Variants in STPG2 observed in about 807,000 individuals in gnomAD.
STPG2 encodes the protein sperm-tail PG-rich repeat-containing protein 2.
A neutral mutation model predicts 54.2 loss-of-function variants in STPG2; 56 were observed. That is an observed-to-expected ratio of 1.03 (90% CI 0.83 to 1.29). The LOEUF (loss-of-function observed/expected upper bound fraction) is 1.29, where lower values mean the gene tolerates loss of function less well. Among genes scored for constraint, STPG2 ranks in the 50% most tolerant of loss-of-function variants. The pLI, the probability that STPG2 is intolerant of heterozygous loss-of-function variation, is 0.00. For synonymous variants in STPG2, 200 were observed against 181.8 expected, an observed-to-expected ratio of 1.10 and a Z score of -0.81; for missense variants, 596 against 544.9, an observed-to-expected ratio of 1.09 and a Z score of -0.93.
At chr4:98,101,834 A>G (rs1469345237) in intron 5 of STPG2, among the ~76,000 whole-genome samples, 1 of 151,978 alleles carries the variant, frequency 6.6e-6, no homozygotes, top group Non-Finnish European at 1.5e-5. Context: ...TGTTCTTACA[A>G]GCCATGAATC....
At chr4:98,140,090 A>G (rs926127577) in intron 1 of STPG2, among the ~76,000 whole-genome samples, 4 of 152,244 alleles carry the variant, frequency 2.6e-5, no homozygotes, top group Non-Finnish European at 5.9e-5. Flanking sequence ...GTCAGTGAAC[A>G]ACTTCACTTT....
At chr4:97,988,177 AGTCT>A (rs1414846785) in intron 5 of STPG2, among the ~76,000 whole-genome samples, 2 of 152,042 alleles carry the variant, frequency 1.3e-5, no homozygotes, top group Admixed American at 1.3e-4. Context: ...GGCATTTGGC[AGTCT>A]GTCTGCTTCA....
At chr4:97,782,053 T>G (rs1471949704) in intron 9 of STPG2, among the ~76,000 whole-genome samples, 3 of 152,200 alleles carry the variant, frequency 2.0e-5, no homozygotes, top group Non-Finnish European at 4.4e-5. Context: ...ACCACTCCTA[T>G]TCAGCATAGT....
At chr4:97,562,913 T>G (rs1336169391) in intron 10 of STPG2, among the ~76,000 whole-genome samples, 1 of 152,174 alleles carries the variant, frequency 6.6e-6, no homozygotes, top group African/African-American at 2.4e-5. Flanking sequence ...CTTTTTTGGT[T>G]GTGTCTCTGC....
chr4:98,040,375 A>G (rs1351811188), intron 5 of STPG2, among the ~76,000 whole-genome samples: 2 of 151,778 alleles, frequency 1.3e-5, no homozygotes, highest in African/African-American at 2.4e-5. Context: ...TTAAGGTCTT[A>G]GTCATAAATT....
intron 5 of STPG2, chr4:98,025,732 C>A (rs6848786): frequency 0.38 from 563,955 of 1,503,858 alleles, 109,094 homozygotes; most frequent in African/African-American, 0.44. Context: ...TTGGCATGGA[C>A]AAGATCTATG....
At chr4:97,868,919 T>G (rs1251372816) in intron 8 of STPG2, among the ~76,000 whole-genome samples, 1 of 151,946 alleles carries the variant, frequency 6.6e-6, no homozygotes, top group Non-Finnish European at 1.5e-5. Flanking sequence ...TTCAAAGCTT[T>G]TGCAGTAAGA....
intron 9 of STPG2, among the ~76,000 whole-genome samples, chr4:97,826,831 T>A (rs1313236254): frequency 6.6e-6 from 1 of 152,250 alleles, no homozygotes; most frequent in Non-Finnish European, 1.5e-5. Flanking sequence ...CAGTAATAAT[T>A]GTAATTGTTA....
chr4:98,036,736 T>C (rs1264674466), intron 5 of STPG2, among the ~76,000 whole-genome samples: 2 of 151,778 alleles, frequency 1.3e-5, no homozygotes, highest in African/African-American at 4.8e-5. Context: ...GATAAAATAG[T>C]TTGTACAACA....
chr4:97,617,183 G>A, intron 10 of STPG2, among the ~76,000 whole-genome samples: 1 of 151,586 alleles, frequency 6.6e-6, no homozygotes, highest in East Asian at 1.9e-4. Flanking sequence ...TGAAGGCAAG[G>A]ATTTCTGTCT....
intron 10 of STPG2, among the ~76,000 whole-genome samples, chr4:97,619,072 C>T (rs1474793475): frequency 2.0e-5 from 3 of 152,160 alleles, no homozygotes; most frequent in Non-Finnish European, 4.4e-5. Context: ...ACAGATGCTC[C>T]TTCTCATTTC....
intron 10 of STPG2, among the ~76,000 whole-genome samples, chr4:97,576,907 A>C (rs1015724724): frequency 6.6e-6 from 1 of 152,182 alleles, no homozygotes; most frequent in African/African-American, 2.4e-5. Flanking sequence ...ACAAGTAAAA[A>C]GCAAATAGCC....
At chr4:97,486,241 T>C (rs537306887) in intron 4 of STPG2, among the ~76,000 whole-genome samples, 48 of 151,634 alleles carry the variant, frequency 3.2e-4, no homozygotes, top group Non-Finnish European at 5.3e-4. Flanking sequence ...AGGCAACCCA[T>C]AGAGTGGGAG....
intron 4 of STPG2, among the ~76,000 whole-genome samples, chr4:97,523,452 A>G (rs1190354959): frequency 6.6e-6 from 1 of 152,008 alleles, no homozygotes; most frequent in Non-Finnish European, 1.5e-5. Flanking sequence ...TATTTTTTCA[A>G]AACCCTTTCA....
intron 5 of STPG2, among the ~76,000 whole-genome samples, chr4:98,055,020 T>A (rs1014736941): frequency 6.6e-6 from 1 of 152,064 alleles, no homozygotes; most frequent in Non-Finnish European, 1.5e-5. Flanking sequence ...GCACTCCTAC[T>A]GGAATGTTCC....
chr4:97,514,186 T>C (rs1374047189), intron 4 of STPG2, among the ~76,000 whole-genome samples: 4 of 152,050 alleles, frequency 2.6e-5, no homozygotes, highest in African/African-American at 7.2e-5. Flanking sequence ...GTTCCTAATA[T>C]GCTATGAAAG....
intron 10 of STPG2, among the ~76,000 whole-genome samples, chr4:97,665,022 G>GC (rs1722481090): frequency 6.6e-6 from 1 of 152,112 alleles, no homozygotes; most frequent in African/African-American, 2.4e-5. Context: ...GCTGTGGCTG[G>GC]ACCAGGTGTA....
chr4:98,021,175 T>C (rs186177226), intron 5 of STPG2, among the ~76,000 whole-genome samples: 1,416 of 140,972 alleles, frequency 0.01, 39 homozygotes, highest in South Asian at 0.029. Context: ...AATTTCCCTC[T>C]ACACACTGCT....
chr4:98,076,961 A>G (rs1382345972), intron 5 of STPG2, among the ~76,000 whole-genome samples: 1 of 152,164 alleles, frequency 6.6e-6, no homozygotes, highest in Non-Finnish European at 1.5e-5. Context: ...ACAAAATGAT[A>G]CTATTTCTAA....
Sources: gnomAD v4.1 joint callset for allele counts (sites outside exome capture counted in the v4.1 genomes callset) on GRCh38, gnomAD v4.1.1 for gene constraint, MANE v1.5 for transcripts, NCBI Gene and HGNC (gene_info 2026-07-23, HGNC 2026-07-21) for gene names.